OR51E2: variants seen among roughly 807,000 people sequenced by gnomAD.
OR51E2 encodes the protein olfactory receptor 51E2.
In OR51E2, 14 loss-of-function variants were observed where a neutral mutation model predicts 13.7. The ratio of observed to expected loss-of-function variants is 1.02; its 90% confidence interval spans 0.68 to 1.60. The LOEUF (loss-of-function observed/expected upper bound fraction) is 1.60, where lower values mean the gene tolerates loss of function less well. OR51E2 is among the 40% of genes most tolerant of loss of function. The pLI is 0.00. For missense variants in OR51E2, 483 were observed against 413.8 expected, an observed-to-expected ratio of 1.17 and a Z score of -1.45; for synonymous variants, 180 against 157.6, an observed-to-expected ratio of 1.14 and a Z score of -1.07.
At chr11:4,683,021 T>C (rs1029788222) in intron 1 of OR51E2, among the ~76,000 whole-genome samples, 1 of 152,234 alleles carries the variant, frequency 6.6e-6, no homozygotes, top group Non-Finnish European at 1.5e-5. Context: ...GTCCATACCT[T>C]CGTTGCCTGG....
chr11:4,696,965 CAT>C (rs1284254098), intron 1 of OR51E2, among the ~76,000 whole-genome samples: 3 of 152,198 alleles, frequency 2.0e-5, no homozygotes, highest in African/African-American at 7.2e-5. Context: ...AAATATTACT[CAT>C]AGAAATAGCT....
chr11:4,682,778 C>T lies in OR51E2; in HGVS notation c.-50-17G>A, dbSNP rs1847473358. 2 of 1,539,314 alleles carry T rather than the reference C, an allele frequency of 1.3e-6. No individual in the cohort carries two copies. Among genetic ancestry groups the T allele is most frequent in the Admixed American group, 3.7e-5 (2 of 53,838 alleles). Reference sequence around the variant, plus strand: ...ACTGGCAGTCTGCAGGGACATAGAGCACAATCAGAGAATGCCCTGGAAACT... The same window carrying T: ...ACTGGCAGTCTGCAGGGACATAGAGTACAATCAGAGAATGCCCTGGAAACT... On this transcript the variant is annotated splice_polypyrimidine_tract_variant and intron_variant, in intron 1 of 1. Coordinates refer to ENST00000396950, the MANE Select transcript of OR51E2 (RefSeq NM_030774.4).
Position 4,682,010 on chromosome 11 carries a change from GGCCC to G in OR51E2, c.698_701del (p.Arg233ProfsTer90). ...GTGACACACAGGTTCCAAAGGCCTT[GGCCC>G]GCTCTGACTTGGAAGGCAGTTGCAG... On this transcript the variant is annotated frameshift_variant, in exon 2 of 2. Transcript: ENST00000396950. LOFTEE classifies it high-confidence loss of function. 6.2e-7 allele frequency: 1 copy of G among 1,614,242 alleles called. No homozygotes were observed. Among genetic ancestry groups the G allele is most frequent in the Non-Finnish European group, 8.5e-7 (1 of 1,180,052 alleles).
chr11:4,683,570 C>T lies in OR51E2; in HGVS notation c.-50-809G>A, dbSNP rs540532977. On this transcript the variant is annotated intron_variant, in intron 1 of 1. Coordinates refer to ENST00000396950, the MANE Select transcript of OR51E2 (RefSeq NM_030774.4). ...CTGGCAGGACACTGGTGAGTACCTC[C>T]GCACCTGAAAGCTTCTTCCAAGGCC... 7.2e-5 allele frequency among the ~76,000 whole-genome samples: 11 copies of T among 152,270 alleles called. No homozygotes were observed. The East Asian group carries it at 9.7e-4, about 13-fold the overall frequency.
intron 1 of OR51E2, among the ~76,000 whole-genome samples, chr11:4,687,951 C>T (rs1371826200): frequency 6.6e-6 from 1 of 152,062 alleles, no homozygotes; most frequent in East Asian, 1.9e-4. Context: ...TTAGGACATG[C>T]AGGTTGTTTG....
At chr11:4,685,571 C>T (rs1182326657) in intron 1 of OR51E2, among the ~76,000 whole-genome samples, 1 of 152,194 alleles carries the variant, frequency 6.6e-6, no homozygotes, top group Non-Finnish European at 1.5e-5. Context: ...GTTAACAAAA[C>T]AGCCCTTAAT....
Position 4,682,769 on chromosome 11 carries a change from G to A in OR51E2, c.-50-8C>T. The A allele has an allele frequency of 6.4e-7, 1 of 1,558,442 alleles. No individual in the cohort carries two copies. Among genetic ancestry groups the A allele is most frequent in the Non-Finnish European group, 8.7e-7 (1 of 1,149,708 alleles). On this transcript the variant is annotated splice_region_variant and splice_polypyrimidine_tract_variant and intron_variant, in intron 1 of 1. Transcript: ENST00000396950. Reference sequence around the variant, plus strand: ...TGAGGTCACACTGGCAGTCTGCAGGGACATAGAGCACAATCAGAGAATGCC... The same window carrying A: ...TGAGGTCACACTGGCAGTCTGCAGGAACATAGAGCACAATCAGAGAATGCC...
Position 4,682,510 on chromosome 11 carries a change from T to C in OR51E2, c.202A>G (p.Ile68Val), listed in dbSNP as rs1313023153. The change falls in exon 2 of 2, where the codon ATT becomes GTT. Residue 68 changes from isoleucine (I) to valine (V), a missense_variant. Ile to Val is a conservative substitution (Grantham distance 29). Transcript: ENST00000396950. ...GTGGATGTGGATAAGGCCAGGTCAA[T>C]GGCTGCAAGCATGCAGAGAAAGAGG... ...MYLFLCMLAA[I>V]DLALSTSTMP... The C allele has an allele frequency of 2.5e-6, 4 of 1,614,042 alleles. No homozygotes were observed. The African/African-American group carries it at 5.3e-5, about 22-fold the overall frequency.
chr11:4,691,897 G>A (rs1847586632), intron 1 of OR51E2, among the ~76,000 whole-genome samples: 1 of 152,162 alleles, frequency 6.6e-6, no homozygotes, highest in Non-Finnish European at 1.5e-5. Context: ...ACTTTGGTTT[G>A]TTTTTGAATT....
At chr11:4,686,779 T>C (rs1847519628) in intron 1 of OR51E2, among the ~76,000 whole-genome samples, 1 of 151,982 alleles carries the variant, frequency 6.6e-6, no homozygotes. Context: ...TTTAGGAAAG[T>C]CCCCAACTCA....
intron 1 of OR51E2, among the ~76,000 whole-genome samples, chr11:4,694,864 AAGAATGTTAAC>A (rs1847637436): frequency 6.6e-6 from 1 of 152,138 alleles, no homozygotes; most frequent in African/African-American, 2.4e-5. Context: ...AACTAGTTCC[AAGAATGTTAAC>A]AGAATGTATG....
intron 1 of OR51E2, among the ~76,000 whole-genome samples, chr11:4,689,492 AGCC>A (rs1205307740): frequency 4.6e-5 from 7 of 152,202 alleles, no homozygotes; most frequent in Non-Finnish European, 8.8e-5. Flanking sequence ...CGAGGGGGCA[AGCC>A]TGTAGATACG....
chr11:4,691,451 C>T lies in OR51E2; in HGVS notation c.-51+6202G>A, dbSNP rs182351282. On this transcript the variant is annotated intron_variant, in intron 1 of 1. Coordinates refer to ENST00000396950, the MANE Select transcript of OR51E2 (RefSeq NM_030774.4). Reference sequence around the variant, plus strand: ...CCCTCACATTGAACCAGAATATACTCAGCATGGTGACCAGAGTGGATATGG... The same window carrying T: ...CCCTCACATTGAACCAGAATATACTTAGCATGGTGACCAGAGTGGATATGG... The T allele has an allele frequency of 1.1e-5, 5 of 456,756 alleles. No homozygotes were observed. The East Asian group carries it at 2.8e-4, about 25-fold the overall frequency. 28.3% of individuals were successfully genotyped at this position (456,756 alleles called of 1,614,324 possible). A position where few individuals can be genotyped will look rare whatever the true frequency, so the allele number is the denominator to read the frequency against.
chr11:4,687,638 T>C (rs915977894), intron 1 of OR51E2, among the ~76,000 whole-genome samples: 19 of 152,294 alleles, frequency 1.2e-4, no homozygotes, highest in African/African-American at 4.6e-4. Context: ...AAAGTTACAA[T>C]GGACCAGACA....
At chr11:4,692,805 C>A (rs1220998937) in intron 1 of OR51E2, among the ~76,000 whole-genome samples, 1 of 150,016 alleles carries the variant, frequency 6.7e-6, no homozygotes, top group African/African-American at 2.5e-5. Flanking sequence ...CTCACACATT[C>A]ACCCTGATAA....
At chr11:4,688,986 A>C (rs1010754973) in intron 1 of OR51E2, among the ~76,000 whole-genome samples, 1 of 152,198 alleles carries the variant, frequency 6.6e-6, no homozygotes, top group African/African-American at 2.4e-5. Context: ...TAAGATGATT[A>C]TGAAACATTC....
Position 4,682,765 on chromosome 11 carries a change from C to T in OR51E2, c.-50-4G>A, listed in dbSNP as rs573086158. On this transcript the variant is annotated splice_region_variant and splice_polypyrimidine_tract_variant and intron_variant, in intron 1 of 1. Transcript: ENST00000396950. ...AGGGTGAGGTCACACTGGCAGTCTG[C>T]AGGGACATAGAGCACAATCAGAGAA... The T allele has an allele frequency of 1.9e-6, 3 of 1,574,738 alleles. No individual in the cohort carries two copies. The highest frequency in any genetic ancestry group is 3.5e-5 in the Admixed American group (2 of 57,486).
intron 1 of OR51E2, among the ~76,000 whole-genome samples, chr11:4,686,827 G>A (rs1389485088): frequency 2.6e-5 from 4 of 151,544 alleles, no homozygotes; most frequent in Middle Eastern, 3.4e-3. Context: ...CATGACATTT[G>A]TTCTGCAACC....
At chr11:4,694,836 T>C (rs7108524) in intron 1 of OR51E2, among the ~76,000 whole-genome samples, 58,018 of 151,716 alleles carry the variant, frequency 0.38, 11,438 homozygotes, top group South Asian at 0.44. Context: ...CATGAATGTG[T>C]CTGTGTGTGT....
Sources: allele counts gnomAD v4.1 joint callset (sites outside exome capture counted in the v4.1 genomes callset), GRCh38; gene constraint gnomAD v4.1.1; transcripts MANE v1.5; gene names NCBI Gene and HGNC (gene_info 2026-07-23, HGNC 2026-07-21).